The following RIPK1 variants were observed in gnomAD, a reference collection of about 807,000 sequenced individuals.
RIPK1 encodes the protein receptor interacting serine/threonine kinase 1, also known as receptor-interacting serine/threonine-protein kinase 1.
In RIPK1, 27 loss-of-function variants were observed where a neutral mutation model predicts 62.4. The observed-to-expected ratio is 0.43, with a 90% CI of 0.32 to 0.60. The LOEUF (loss-of-function observed/expected upper bound fraction) is 0.60. Ranked by LOEUF, RIPK1 falls within the 20% of genes least tolerant of loss-of-function variation. The pLI, the probability that RIPK1 is intolerant of heterozygous loss-of-function variation, is 0.07. For missense variants in RIPK1, 735 were observed against 831.0 expected, an observed-to-expected ratio of 0.88 and a Z score of 1.42; for synonymous variants, 287 against 303.2, an observed-to-expected ratio of 0.95 and a Z score of 0.55.
chr6:3,105,729 C>A lies in RIPK1; in HGVS notation c.1254C>A (p.Asp418Glu). 6.2e-7 allele frequency: 1 copy of A among 1,614,196 alleles called. No homozygotes were observed. The highest frequency in any genetic ancestry group is 8.5e-7 in the Non-Finnish European group (1 of 1,180,022). ...EEERRRRVSH[D>E]PFAQQRPYEN... Reference sequence around the variant, plus strand: ...AAAGGAGACGCAGGGTCTCCCATGACCCTTTTGCACAGCAAAGACCTTACG... The same window carrying A: ...AAAGGAGACGCAGGGTCTCCCATGAACCTTTTGCACAGCAAAGACCTTACG... Residue 418 changes from aspartate to glutamate, a missense_variant, in exon 9 of 11, where the codon GAC becomes GAA. By Grantham distance (45) the Asp-to-Glu change is conservative. Coordinates refer to ENST00000259808, the MANE Select transcript of RIPK1 (RefSeq NM_001354930.2). This position sits in a 1 kb window ranked among gnomAD's most constrained non-coding sequence, Gnocchi z 4.5.
intron 6 of RIPK1, among the ~76,000 whole-genome samples, chr6:3,087,422 G>GTT (rs756179356): frequency 4.9e-4 from 73 of 149,328 alleles, no homozygotes; most frequent in African/African-American, 1.7e-3. Flanking sequence ...TGTTTTTTTT[G>GTT]TTTTTTTTGT....
intron 1 of RIPK1, among the ~76,000 whole-genome samples, chr6:3,070,021 T>G (rs922634030): frequency 1.6e-4 from 24 of 151,560 alleles, no homozygotes; most frequent in African/African-American, 5.6e-4. Context: ...AAAAAAAAAA[T>G]AAATAAAGAA....
chr6:3,075,021 C>T (rs1758977390), intron 1 of RIPK1, among the ~76,000 whole-genome samples: 1 of 152,234 alleles, frequency 6.6e-6, no homozygotes, highest in African/African-American at 2.4e-5. Flanking sequence ...CCATAGCCCT[C>T]CTTTTACTCT....
In RIPK1 at chr6:3,105,514, C is replaced by A. The variant is rs933448243; in HGVS notation, c.1039C>A (p.Gln347Lys). Residue 347 changes from glutamine to lysine, a missense_variant, in exon 9 of 11, where the codon CAG (glutamine) becomes AAG (lysine). Physicochemically the swap from Gln to Lys is moderately conservative, Grantham distance 53. This residue lies in a region of RIPK1 where 671 missense variants were observed against 726.2 expected (regional missense o/e 0.92). Coordinates refer to ENST00000259808, the MANE Select transcript of RIPK1 (RefSeq NM_001354930.2). This position sits in a 1 kb window ranked among gnomAD's most constrained non-coding sequence, Gnocchi z 4.5. ...TEQPGSLHSS[Q>K]GLGMGPVEES... ...ACAGCCTGGTTCACTGCACAGTTCCCAGGGACTTGGGATGGGTCCTGTGGA... is the reference window on the plus strand; with the variant it reads ...ACAGCCTGGTTCACTGCACAGTTCCAAGGGACTTGGGATGGGTCCTGTGGA... 9.5e-6 allele frequency: 15 copies of A among 1,579,546 alleles called. No homozygotes were observed. In the African/African-American group the frequency reaches 1.9e-4, roughly 20 times the overall value.
At position 3,068,613 on chromosome 6, in the gene RIPK1, G is replaced by A. The variant is rs1035482764; in HGVS notation, c.-109G>A. 17 of 985,196 alleles carry A rather than the reference G, an allele frequency of 1.7e-5. No homozygotes were observed. Among genetic ancestry groups the A allele is most frequent in the Non-Finnish European group, 1.8e-5 (15 of 829,932 alleles). The allele number at this position is 985,196 out of a possible 1,614,324, so 61.0% of individuals were successfully genotyped here. On this transcript the variant is annotated 5_prime_UTR_variant, in exon 1 of 11. Coordinates refer to ENST00000259808, the MANE Select transcript of RIPK1 (RefSeq NM_001354930.2). Reference sequence around the variant, plus strand: ...GCGCGGCCATCCGGGCGGGGCCGACGGAGCGCGGCAGGACTTGGCTGGACG... The same window carrying A: ...GCGCGGCCATCCGGGCGGGGCCGACAGAGCGCGGCAGGACTTGGCTGGACG...
intron 6 of RIPK1, among the ~76,000 whole-genome samples, chr6:3,088,496 G>A (rs1164064182): frequency 6.6e-6 from 1 of 152,236 alleles, no homozygotes; most frequent in Non-Finnish European, 1.5e-5. Context: ...GACACCATGG[G>A]AGTGGAGGCG....
rs772909799 is a variant in RIPK1 at position 3,083,192 on chromosome 6, C to G, written c.567C>G (p.Thr189=). The change falls in exon 5 of 11, where the codon ACC becomes ACG. Residue 189 remains threonine (T), a synonymous_variant. Coordinates refer to ENST00000259808, the MANE Select transcript of RIPK1 (RefSeq NM_001354930.2). The part of the protein sequence containing the change: ...VDGTAKKNGG[T]LYYMAPEHLN... ...GCACCGCTAAGAAGAATGGCGGCAC[C>G]CTCTACTACATGGCGCCCGAGCACC... 1.9e-6 allele frequency: 3 copies of G among 1,614,006 alleles called. No individual in the cohort carries two copies. The East Asian group carries it at 6.7e-5, about 36-fold the overall frequency.
At chr6:3,064,638 C>A (rs1304749895), upstream of RIPK1, among the ~76,000 whole-genome samples, 2 of 152,098 alleles carry the variant, frequency 1.3e-5, no homozygotes, top group African/African-American at 2.4e-5. Flanking sequence ...GAGGAAGGGT[C>A]GTGCTGGGGA....
chr6:3,075,804 T>C (rs1289710281), intron 1 of RIPK1, among the ~76,000 whole-genome samples: 1 of 151,934 alleles, frequency 6.6e-6, no homozygotes, highest in Non-Finnish European at 1.5e-5. Context: ...CTGTATCTAT[T>C]TCAAGACAGG....
intron 3 of RIPK1, among the ~76,000 whole-genome samples, chr6:3,079,070 A>G (rs1227084303): frequency 6.6e-6 from 1 of 151,452 alleles, no homozygotes; most frequent in African/African-American, 2.4e-5. Context: ...GAGCCACTGC[A>G]CCCAGCTGTG....
Position 3,112,946 on chromosome 6 carries a change from C to A in RIPK1, c.1730-107C>A. The A allele has an allele frequency of 5.6e-6, 5 of 897,704 alleles. No homozygotes were observed. In the Middle Eastern group the frequency reaches 6.9e-4, roughly 124 times the overall value. The allele number at this position is 897,704 out of a possible 1,614,324, so 55.6% of individuals were successfully genotyped here. A position where few individuals can be genotyped will look rare whatever the true frequency, so the allele number is the denominator to read the frequency against. ...TATAACTAAGAAGTTATCTTTTTCA[C>A]TGTCTTCTGGTACTCTTCATTTCAC... On this transcript the variant is annotated intron_variant, in intron 10 of 10. Transcript: ENST00000259808.
intron 7 of RIPK1, among the ~76,000 whole-genome samples, chr6:3,097,209 T>C (rs1379750042): frequency 6.6e-6 from 1 of 152,046 alleles, no homozygotes; most frequent in Non-Finnish European, 1.5e-5. Flanking sequence ...GTGTGGCAAG[T>C]GGGTGTGAGG....
In RIPK1 at chr6:3,094,973, G is replaced by C. The variant is rs532926448; in HGVS notation, c.915+5316G>C. Among the ~76,000 whole-genome samples the C allele has an allele frequency of 2.0e-5, 3 of 152,222 alleles. No individual in the cohort carries two copies. The South Asian group carries it at 6.2e-4, about 32-fold the overall frequency. ...CCATGAAGGCTGAGATGGGAGGACT[G>C]CTTGAGCCCAGGAGTTTGAGGCTGG... On this transcript the variant is annotated intron_variant, in intron 7 of 10. Coordinates refer to ENST00000259808, the MANE Select transcript of RIPK1 (RefSeq NM_001354930.2).
In RIPK1 at chr6:3,072,068, A is replaced by AT. The variant is rs1051192247; in HGVS notation, c.-61+3409dup. Reference sequence around the variant, plus strand: ...ATTTCAGTGTTGATGGGCATAACTGATTCTCTCCTCTGTACATGCTAAGTG... The same window carrying AT: ...ATTTCAGTGTTGATGGGCATAACTGATTTCTCTCCTCTGTACATGCTAAGTG... On this transcript the variant is annotated intron_variant, in intron 1 of 10. Coordinates refer to ENST00000259808, the MANE Select transcript of RIPK1 (RefSeq NM_001354930.2). The surrounding 1 kb of genome is among the most constrained non-coding windows in gnomAD (Gnocchi z 5.6). 1.7e-4 allele frequency among the ~76,000 whole-genome samples: 26 copies of AT among 152,134 alleles called. 1 individual carries two copies. The highest frequency in any genetic ancestry group is 2.9e-5 in the Non-Finnish European group (2 of 68,018).
At chr6:3,089,750 T>G in intron 7 of RIPK1, 93 bp downstream of exon 7, 3 of 769,764 alleles carry the variant, frequency 3.9e-6, no homozygotes, top group Non-Finnish European at 6.7e-6. Flanking sequence ...TTATTGAGAT[T>G]TGAGGTAAGC....
chr6:3,111,468 CTTGA>C (rs372519208), intron 10 of RIPK1, among the ~76,000 whole-genome samples: 39 of 150,886 alleles, frequency 2.6e-4, no homozygotes, highest in African/African-American at 4.6e-4. Context: ...GCCAAAACGA[CTTGA>C]TTAAGAACTC....
intron 4 of RIPK1, among the ~76,000 whole-genome samples, chr6:3,081,924 C>A (rs1759411377): frequency 7.7e-6 from 1 of 129,688 alleles, no homozygotes; most frequent in Non-Finnish European, 1.6e-5. Context: ...GCATCAAAAA[C>A]CTCTACTTTG....
upstream of RIPK1, among the ~76,000 whole-genome samples, chr6:3,067,466 A>T (rs1158407791): frequency 6.6e-6 from 1 of 152,118 alleles, no homozygotes; most frequent in Non-Finnish European, 1.5e-5. Flanking sequence ...TTGTTTTTTT[A>T]AATTGCAATT....
chr6:3,094,133 A>T lies in RIPK1; in HGVS notation c.915+4476A>T, dbSNP rs565284902. Among the ~76,000 whole-genome samples, 237 of 142,226 alleles carry T rather than the reference A, an allele frequency of 1.7e-3. 8 individuals are homozygous for T. The highest frequency in any genetic ancestry group is 4.0e-3 in the Admixed American group (60 of 14,856). 93.3% of individuals were successfully genotyped at this position (142,226 alleles called of 152,430 possible). ...GAGTACCTACCTGCCGCACCTAGTA[A>T]CTGCAGAGTACCTACCTGCCGCACC... On this transcript the variant is annotated intron_variant, in intron 7 of 10. Coordinates refer to ENST00000259808, the MANE Select transcript of RIPK1 (RefSeq NM_001354930.2).
Sources: allele counts gnomAD v4.1 joint callset (sites outside exome capture counted in the v4.1 genomes callset), GRCh38; gene constraint gnomAD v4.1.1; regional missense constraint gnomAD v4.1.1; non-coding constraint Gnocchi (gnomAD v3.1); transcripts MANE v1.5; gene names NCBI Gene and HGNC (gene_info 2026-07-23, HGNC 2026-07-21).